The following ALS2CL variants were observed in gnomAD, a reference collection of about 807,000 sequenced individuals.
ALS2CL encodes ALS2 C-terminal-like protein.
ALS2CL carries 112 observed loss-of-function variants against 127.9 expected under a neutral mutation model. The observed-to-expected ratio is 0.88, with a 90% CI of 0.75 to 1.02. ALS2CL has a LOEUF of 1.02. Ranked by LOEUF, ALS2CL falls within the 50% of genes least tolerant of loss-of-function variation. The pLI, the probability that ALS2CL is intolerant of heterozygous loss-of-function variation, is 0.00. For missense variants in ALS2CL, 1,174 were observed against 1,236.7 expected, an observed-to-expected ratio of 0.95 and a Z score of 0.76; for synonymous variants, 519 against 527.6, an observed-to-expected ratio of 0.98 and a Z score of 0.22.
At position 46,686,216 on chromosome 3, in the gene ALS2CL, C is replaced by A; in HGVS notation, c.666+92G>T. 6.9e-7 allele frequency: 1 copy of A among 1,453,960 alleles called. No individual in the cohort carries two copies. Among genetic ancestry groups the A allele is most frequent in the South Asian group, 1.5e-5 (1 of 68,070 alleles). 90.1% of individuals were successfully genotyped at this position (1,453,960 alleles called of 1,614,324 possible). A position where few individuals can be genotyped will look rare whatever the true frequency, so the allele number is the denominator to read the frequency against. On this transcript the variant is annotated intron_variant, in intron 6 of 25. Coordinates refer to ENST00000318962, the MANE Select transcript of ALS2CL (RefSeq NM_147129.5). The surrounding 1 kb of genome is among the most constrained non-coding windows in gnomAD (Gnocchi z 4.3). ...CCCTTCCATATAGGGAAACTGAGGCCCAGAGAATACAGCAAGCAGCTCAAG... is the reference window on the plus strand; with the variant it reads ...CCCTTCCATATAGGGAAACTGAGGCACAGAGAATACAGCAAGCAGCTCAAG...
chr3:46,689,261 G>T, intron 2 of ALS2CL, 77 bp downstream of exon 2: 1 of 1,462,174 alleles, frequency 6.8e-7, no homozygotes, highest in Non-Finnish European at 9.4e-7. Context: ...GGCTCAGCAA[G>T]TCCAACAAGG....
At position 46,679,253 on chromosome 3, in the gene ALS2CL, AG is replaced by A; in HGVS notation, c.1582del (p.Leu528CysfsTer10). ...GTCCCTGGTGAAGGTGCCCTCATAC[AG>A]GGAGTCGTCTTCAGAGAGGAGGATG... is the stretch of plus-strand genomic sequence containing the variant. ...PGILLSEDDSLYEGTFTRDLT... is the reference protein window; with the variant it reads ...PGILLSEDDSXYEGTFTRDLT... On this transcript the variant is annotated frameshift_variant, in exon 15 of 26. Transcript: ENST00000318962. LOFTEE classifies it high-confidence loss of function. The A allele has an allele frequency of 6.3e-7, 1 of 1,587,858 alleles. No individual in the cohort carries two copies. The highest frequency in any genetic ancestry group is 8.6e-7 in the Non-Finnish European group (1 of 1,166,560).
chr3:46,670,750 G>A lies in ALS2CL; in HGVS notation c.*234C>T. 2.0e-6 allele frequency: 1 copy of A among 508,806 alleles called. No homozygotes were observed. The highest frequency in any genetic ancestry group is 3.6e-6 in the Non-Finnish European group (1 of 277,896). 31.5% of individuals were successfully genotyped at this position (508,806 alleles called of 1,614,324 possible). On this transcript the variant is annotated 3_prime_UTR_variant, in exon 26 of 26. Coordinates refer to ENST00000318962, the MANE Select transcript of ALS2CL (RefSeq NM_147129.5). The surrounding 1 kb of genome is among the most constrained non-coding windows in gnomAD (Gnocchi z 5.5). ...AGCCTGTGAGCTGCTGCAGATTAAGGGGTCATTGAAGATGGGCTAGTGGCC... is the reference window on the plus strand; with the variant it reads ...AGCCTGTGAGCTGCTGCAGATTAAGAGGTCATTGAAGATGGGCTAGTGGCC...
chr3:46,680,997 A>G lies in ALS2CL; in HGVS notation c.1436+249T>C, dbSNP rs567280406. Reference sequence around the variant, plus strand: ...AAGGGCTGCAGTTTTTAGACGTGACAGAGCAGGGGGTCAGAAATGCCTCTC... The same window carrying G: ...AAGGGCTGCAGTTTTTAGACGTGACGGAGCAGGGGGTCAGAAATGCCTCTC... On this transcript the variant is annotated intron_variant, in intron 13 of 25. Coordinates refer to ENST00000318962, the MANE Select transcript of ALS2CL (RefSeq NM_147129.5). 3.1e-4 allele frequency: 192 copies of G among 615,724 alleles called. No individual in the cohort carries two copies. In the African/African-American group the frequency reaches 3.2e-3, roughly 10 times the overall value. 38.1% of individuals were successfully genotyped at this position (615,724 alleles called of 1,614,324 possible).
intron 13 of ALS2CL, chr3:46,680,758 T>G (rs1256505895): frequency 5.2e-6 from 3 of 576,270 alleles, no homozygotes; most frequent in Non-Finnish European, 6.2e-6. Context: ...CTGGGAGGCT[T>G]CTCCGTGGAG....
chr3:46,680,625 G>A, intron 13 of ALS2CL, 84 bp from the exon 14 acceptor site: 2 of 1,252,370 alleles, frequency 1.6e-6, no homozygotes, highest in African/African-American at 1.5e-5. Context: ...GGGGCGGCAG[G>A]GAGTGCAGAT....
rs750863844 is a variant in ALS2CL, at chr3:46,683,230, G to T, written c.1009C>A (p.Pro337Thr). 3 of 1,609,514 alleles carry T rather than the reference G, an allele frequency of 1.9e-6. No homozygotes were observed. Among genetic ancestry groups the T allele is most frequent in the South Asian group, 1.1e-5 (1 of 90,518 alleles). Residue 337 changes from proline to threonine, a missense_variant, in exon 10 of 26, where the codon CCT (proline) becomes ACT (threonine). Physicochemically the swap from Pro to Thr is conservative, Grantham distance 38 (BLOSUM62 -1). Coordinates refer to ENST00000318962, the MANE Select transcript of ALS2CL (RefSeq NM_147129.5). Reference protein sequence around the residue: ...VLGAGLEPSQPPDCRCAEYTF... With the variant: ...VLGAGLEPSQTPDCRCAEYTF... ...TATTCTGCGCAGCGGCAGTCGGGAGGCTGGGAGGGCTCCAGGCCAGCCCCC... is the reference window on the plus strand; with the variant it reads ...TATTCTGCGCAGCGGCAGTCGGGAGTCTGGGAGGGCTCCAGGCCAGCCCCC...
chr3:46,689,290 G>T, intron 2 of ALS2CL, 48 bp downstream of exon 2: 5 of 1,585,978 alleles, frequency 3.2e-6, no homozygotes, highest in Non-Finnish European at 4.3e-6. Context: ...CTGTCCCTGG[G>T]ATCATTCCTC....
At chr3:46,683,693 G>A in intron 9 of ALS2CL, 89 bp downstream of exon 9, 1 of 1,510,316 alleles carries the variant, frequency 6.6e-7, no homozygotes, top group Non-Finnish European at 9.2e-7. Context: ...CGGCACTCCT[G>A]TGGGGCCCTG....
intron 4 of ALS2CL, 138 bp from the exon 5 acceptor site, chr3:46,687,286 A>T: frequency 2.1e-6 from 2 of 975,060 alleles, no homozygotes; most frequent in Non-Finnish European, 2.9e-6. Context: ...TATCAGATCA[A>T]CACAGTACCT....
chr3:46,685,374 G>A (rs138445200), intron 7 of ALS2CL, 151 bp downstream of exon 7: 35 of 1,309,800 alleles, frequency 2.7e-5, no homozygotes, highest in East Asian at 5.1e-5. Context: ...CCAGTGGACC[G>A]CCCCTCCCCA....
intron 1 of ALS2CL, among the ~76,000 whole-genome samples, chr3:46,690,826 C>T (rs1700106228): frequency 6.6e-6 from 1 of 152,216 alleles, no homozygotes; most frequent in African/African-American, 2.4e-5. Flanking sequence ...CCTCCCCTCT[C>T]CACCCTGCCC....
chr3:46,682,095 C>G lies in ALS2CL; in HGVS notation c.1110-1G>C. 1 of 1,613,832 alleles carries G rather than the reference C, an allele frequency of 6.2e-7. No individual in the cohort carries two copies. Among genetic ancestry groups the G allele is most frequent in the Non-Finnish European group, 8.5e-7 (1 of 1,179,922 alleles). ...CCCATCCGGCCATTTCAGGGTTCCC[C>G]TGGAACACAGTGGAGGTTCACGAGC... On this transcript the variant is annotated splice_acceptor_variant, in intron 10 of 25. Coordinates refer to ENST00000318962, the MANE Select transcript of ALS2CL (RefSeq NM_147129.5). LOFTEE classifies it high-confidence loss of function.
chr3:46,671,191 C>A, intron 25 of ALS2CL, 127 bp from the exon 26 acceptor site: 1 of 1,085,730 alleles, frequency 9.2e-7, no homozygotes. Flanking sequence ...TCCAACTCAG[C>A]CCTCAGCCAC....
At position 46,681,236 on chromosome 3, in the gene ALS2CL, G is replaced by T. The variant is rs1245724335; in HGVS notation, c.1436+10C>A. 6.2e-7 allele frequency: 1 copy of T among 1,613,676 alleles called. No individual in the cohort carries two copies. Among genetic ancestry groups the T allele is most frequent in the South Asian group, 1.1e-5 (1 of 91,078 alleles). On this transcript the variant is annotated intron_variant, in intron 13 of 25. Transcript: ENST00000318962. The surrounding 1 kb of genome is among the most constrained non-coding windows in gnomAD (Gnocchi z 4.9). ...CTCCGTCCTGGGAGTGGTGGCTGCA[G>T]GGCGCTCACCTGTCACCATCCTCCT...
chr3:46,688,024 C>T (rs1699911611), intron 3 of ALS2CL, 74 bp downstream of exon 3: 1 of 1,552,034 alleles, frequency 6.4e-7, no homozygotes, highest in African/African-American at 1.4e-5. Flanking sequence ...GAGCCCCAAC[C>T]CCAGGTGAAC....
chr3:46,689,912 T>G (rs2106750320), intron 1 of ALS2CL, among the ~76,000 whole-genome samples: 1 of 152,284 alleles, frequency 6.6e-6, no homozygotes, highest in South Asian at 2.1e-4. Flanking sequence ...AGCCCTGTCC[T>G]CTAGCCCATG....
At chr3:46,672,238 G>A (rs1466329568) in intron 22 of ALS2CL, 37 bp from the exon 23 acceptor site, 1 of 1,610,696 alleles carries the variant, frequency 6.2e-7, no homozygotes, top group South Asian at 1.1e-5. Context: ...TGAGGCCATG[G>A]CCCCCCAGCT....
rs528737892 is a variant in ALS2CL at position 46,683,680 on chromosome 3, C to T, written c.912+102G>A. The T allele has an allele frequency of 3.0e-5, 42 of 1,417,590 alleles. No individual in the cohort carries two copies. The Admixed American group carries it at 3.9e-4, about 13-fold the overall frequency. The allele number at this position is 1,417,590 out of a possible 1,614,324, so 87.8% of individuals were successfully genotyped here. On this transcript the variant is annotated intron_variant, in intron 9 of 25. Coordinates refer to ENST00000318962, the MANE Select transcript of ALS2CL (RefSeq NM_147129.5). The stretch of plus-strand genomic sequence containing the variant: ...GGTCCCCAGAAGCCTGCCAGACACT[C>T]GCCGGCACTCCTGTGGGGCCCTGCA...
Sources: gnomAD v4.1 joint callset for allele counts (sites outside exome capture counted in the v4.1 genomes callset) on GRCh38, gnomAD v4.1.1 for gene constraint, Gnocchi (gnomAD v3.1) non-coding constraint, MANE v1.5 for transcripts, NCBI Gene and HGNC (gene_info 2026-07-23, HGNC 2026-07-21) for gene names.